GHR: variants seen among roughly 807,000 people sequenced by gnomAD.
The protein encoded by GHR is growth hormone receptor.
Under a neutral mutation model 67.1 loss-of-function variants are expected in GHR, and 35 were observed. The observed-to-expected ratio is 0.52, with a 90% CI of 0.40 to 0.69. The LOEUF (loss-of-function observed/expected upper bound fraction) is 0.69, where lower values mean the gene tolerates loss of function less well. Ranked by LOEUF, GHR falls within the 30% of genes least tolerant of loss-of-function variation. GHR has a pLI of 0.00. For synonymous variants in GHR, 272 were observed against 269.1 expected, an observed-to-expected ratio of 1.01 and a Z score of -0.10; for missense variants, 792 against 764.6, an observed-to-expected ratio of 1.04 and a Z score of -0.42.
At chr5:42,499,284 A>G (rs1235951817) in intron 1 of GHR, among the ~76,000 whole-genome samples, 1 of 152,172 alleles carries the variant, frequency 6.6e-6, no homozygotes. Context: ...CTGGAACTCT[A>G]GCTGGGTAGG....
chr5:42,536,804 G>C (rs571897881), intron 1 of GHR, among the ~76,000 whole-genome samples: 2 of 151,698 alleles, frequency 1.3e-5, no homozygotes, highest in Non-Finnish European at 3.0e-5. Context: ...TGGGCTTTTT[G>C]TCGGTAAGCC....
chr5:42,545,927 T>A (rs569733927), intron 1 of GHR, among the ~76,000 whole-genome samples: 1 of 152,360 alleles, frequency 6.6e-6, no homozygotes, highest in East Asian at 1.9e-4. Flanking sequence ...CTGACAAAGA[T>A]GTGCATTTAT....
At chr5:42,437,429 T>C (rs887453583) in intron 1 of GHR, among the ~76,000 whole-genome samples, 2 of 152,230 alleles carry the variant, frequency 1.3e-5, no homozygotes, top group African/African-American at 2.4e-5. Flanking sequence ...GGATGTCTTA[T>C]GGGCCTTCAG....
intron 1 of GHR, among the ~76,000 whole-genome samples, chr5:42,448,539 A>G (rs1178527717): frequency 6.6e-6 from 1 of 150,892 alleles, no homozygotes; most frequent in Non-Finnish European, 1.5e-5. Context: ...ATAGTTTGCG[A>G]AGATTTTCTC....
chr5:42,457,229 G>A (rs1744300054), intron 1 of GHR, among the ~76,000 whole-genome samples: 1 of 152,114 alleles, frequency 6.6e-6, no homozygotes, highest in Non-Finnish European at 1.5e-5. Flanking sequence ...CCTGGCATTG[G>A]ATTTAAGTGG....
At chr5:42,427,843 A>G in intron 1 of GHR, among the ~76,000 whole-genome samples, 1 of 152,294 alleles carries the variant, frequency 6.6e-6, no homozygotes, top group Non-Finnish European at 1.5e-5. Flanking sequence ...TGCAAGTCCA[A>G]AGTCTAATAG....
chr5:42,431,021 T>C (rs1436810159), intron 1 of GHR, among the ~76,000 whole-genome samples: 6 of 152,168 alleles, frequency 3.9e-5, no homozygotes, highest in Non-Finnish European at 1.5e-5. Flanking sequence ...TCATATTTCT[T>C]GTATGTTAAA....
intron 1 of GHR, among the ~76,000 whole-genome samples, chr5:42,457,599 C>T (rs532233986): frequency 6.6e-6 from 1 of 152,136 alleles, no homozygotes; most frequent in Non-Finnish European, 1.5e-5. Flanking sequence ...ATACATTAAC[C>T]TGTATAACCA....
chr5:42,460,570 G>A (rs1391032214), intron 1 of GHR, among the ~76,000 whole-genome samples: 1 of 152,138 alleles, frequency 6.6e-6, no homozygotes, highest in Non-Finnish European at 1.5e-5. Flanking sequence ...CTTTGACGGT[G>A]CTTGTTCCTC....
At position 42,705,832 on chromosome 5, in the gene GHR, G is replaced by T. The variant is rs949622515; in HGVS notation, c.619-5375G>T. 3.3e-5 allele frequency among the ~76,000 whole-genome samples: 5 copies of T among 151,938 alleles called. No individual in the cohort carries two copies. The East Asian group carries it at 7.7e-4, about 23-fold the overall frequency. ...TTCTTTATTCCATGTCTTTGCTATT[G>T]TGAATAGTGCTATGATGAACACACG... is the stretch of plus-strand genomic sequence containing the variant. On this transcript the variant is annotated intron_variant, in intron 6 of 9. Coordinates refer to ENST00000230882, the MANE Select transcript of GHR (RefSeq NM_000163.5).
chr5:42,665,706 C>G lies in GHR; in HGVS notation c.137-23184C>G, dbSNP rs554658591. Among the ~76,000 whole-genome samples, 6 of 151,050 alleles carry G rather than the reference C, an allele frequency of 4.0e-5. 1 individual carries two copies. In the South Asian group the frequency reaches 1.3e-3, roughly 32 times the overall value. ...CCACATGTATACACATGTGACTAAC[C>G]TGCACATTGTGCACATGTACCCTGA... On this transcript the variant is annotated intron_variant, in intron 3 of 9. Transcript: ENST00000230882.
chr5:42,631,174 A>G (rs1413883641), intron 3 of GHR, among the ~76,000 whole-genome samples: 4 of 152,224 alleles, frequency 2.6e-5, no homozygotes, highest in Admixed American at 6.5e-5. Flanking sequence ...TTGTTGAAAT[A>G]CAGCCTCTAG....
intron 5 of GHR, among the ~76,000 whole-genome samples, chr5:42,696,656 A>C (rs374835108): frequency 6.6e-6 from 1 of 152,184 alleles, no homozygotes; most frequent in East Asian, 1.9e-4. Flanking sequence ...TGGAGAAATC[A>C]TCAGTAGTTG....
intron 7 of GHR, among the ~76,000 whole-genome samples, chr5:42,711,744 G>T (rs925472961): frequency 1.3e-5 from 2 of 152,028 alleles, no homozygotes; most frequent in African/African-American, 4.8e-5. Flanking sequence ...TGTACTGATG[G>T]TTAGGGAAGA....
chr5:42,531,534 G>A (rs570076044), intron 1 of GHR, among the ~76,000 whole-genome samples: 5 of 151,826 alleles, frequency 3.3e-5, no homozygotes, highest in East Asian at 1.9e-4. Flanking sequence ...CTGGAGTGCC[G>A]TGGTGTAATC....
chr5:42,491,074 C>T (rs1286017786), intron 1 of GHR, among the ~76,000 whole-genome samples: 1 of 152,196 alleles, frequency 6.6e-6, no homozygotes, highest in Non-Finnish European at 1.5e-5. Context: ...AAGAAGTAAA[C>T]ACTGGAGCTT....
intron 1 of GHR, among the ~76,000 whole-genome samples, chr5:42,558,575 T>A (rs772412422): frequency 6.6e-6 from 1 of 152,232 alleles, no homozygotes; most frequent in Non-Finnish European, 1.5e-5. Flanking sequence ...ATCTTTTCTA[T>A]GTTTAGATAT....
At chr5:42,512,953 G>A (rs1747082398) in intron 1 of GHR, among the ~76,000 whole-genome samples, 1 of 152,092 alleles carries the variant, frequency 6.6e-6, no homozygotes, top group South Asian at 2.1e-4. Flanking sequence ...TTATTACTTT[G>A]ATGTCCTGAA....
chr5:42,482,322 G>C (rs910039416), intron 1 of GHR, among the ~76,000 whole-genome samples: 9 of 152,220 alleles, frequency 5.9e-5, no homozygotes, highest in African/African-American at 1.7e-4. Flanking sequence ...AGGCTACTCA[G>C]GGGTCAGGGA....
Sources: gnomAD v4.1 joint callset for allele counts (sites outside exome capture counted in the v4.1 genomes callset) on GRCh38, gnomAD v4.1.1 for gene constraint, MANE v1.5 for transcripts, NCBI Gene and HGNC (gene_info 2026-07-23, HGNC 2026-07-21) for gene names.